Variants in SYNE1 observed in about 807,000 individuals in gnomAD.
The protein encoded by SYNE1 is spectrin repeat containing nuclear envelope protein 1.
Under a neutral mutation model 1,111.0 loss-of-function variants are expected in SYNE1, and 616 were observed. The observed-to-expected ratio is 0.55, with a 90% CI of 0.52 to 0.59. SYNE1 has a LOEUF of 0.59. SYNE1 is among the 20% of genes least tolerant of loss of function. SYNE1 has a pLI of 0.00. For missense variants in SYNE1, 10,006 were observed against 10,417.0 expected, an observed-to-expected ratio of 0.96 and a Z score of 1.72; for synonymous variants, 3,855 against 3,825.8, an observed-to-expected ratio of 1.01 and a Z score of -0.28.
chr6:152,537,358 A>T (rs1165672266), intron 4 of SYNE1, among the ~76,000 whole-genome samples: 1 of 152,148 alleles, frequency 6.6e-6, no homozygotes, highest in Non-Finnish European at 1.5e-5. Flanking sequence ...TGTAGTAAAA[A>T]TAGAATAAAA....
rs983431074 is a variant in SYNE1 at position 152,430,562 on chromosome 6, G to C, written c.4609C>G (p.Arg1537Gly). ...TQIRRYGEEL[R>G]EHAQCLEGTI... is the part of the protein sequence containing the mutation. ...CCTTCCAGACACTGTGCATGCTCTC[G>C]AAGCTCTTCCCCGTATCTTCTTATT... Residue 1537 changes from arginine (R) to glycine (G), a missense_variant, in exon 35 of 146, where the codon CGA (arginine) becomes GGA (glycine). This residue lies in a region of SYNE1 where 1,971 missense variants were observed against 2,084.1 expected (regional missense o/e 0.95). Transcript: ENST00000367255. The C allele has an allele frequency of 6.2e-7, 1 of 1,613,918 alleles. No individual in the cohort carries two copies. Among genetic ancestry groups the C allele is most frequent in the African/African-American group, 1.3e-5 (1 of 74,904 alleles).
intron 127 of SYNE1, among the ~76,000 whole-genome samples, chr6:152,196,496 G>A (rs1212911483): frequency 1.3e-5 from 2 of 151,974 alleles, no homozygotes; most frequent in Non-Finnish European, 2.9e-5. Context: ...GTCAGCCGGT[G>A]ATAGGTCTTA....
intron 8 of SYNE1, 44 bp downstream of exon 8, chr6:152,510,149 C>T: frequency 6.3e-7 from 1 of 1,593,240 alleles, no homozygotes; most frequent in Non-Finnish European, 8.6e-7. Context: ...ACATTCATAA[C>T]TCAATTTAAC....
intron 131 of SYNE1, among the ~76,000 whole-genome samples, chr6:152,163,555 T>G (rs1418491036): frequency 3.4e-5 from 5 of 145,526 alleles, no homozygotes; most frequent in African/African-American, 1.3e-4. Flanking sequence ...GAGGTGAAAA[T>G]TTCTTCTGTA....
Position 152,230,562 on chromosome 6 carries a change from T to G in SYNE1, c.21180A>C (p.Ala7060=), listed in dbSNP as rs776832677. 1.2e-6 allele frequency: 2 copies of G among 1,613,990 alleles called. No individual in the cohort carries two copies. The change falls in exon 115 of 146, where the codon GCA becomes GCC. Residue 7060 remains alanine (A), a synonymous_variant. Transcript: ENST00000367255. ...GACAAGTTACCTGACAGTCTTTCAG[T>G]GCATTTTGAACAGAAGCCTGATCTC... ...RIGDQASVQN[A]LKDCQDLEDL...
chr6:152,124,964 G>C (rs1419982349), intron 145 of SYNE1, among the ~76,000 whole-genome samples: 1 of 152,136 alleles, frequency 6.6e-6, no homozygotes, highest in African/African-American at 2.4e-5. Flanking sequence ...AGTCCTCTGC[G>C]GTGTGTACTT....
intron 27 of SYNE1, 115 bp downstream of exon 27, chr6:152,450,510 G>T: frequency 5.8e-6 from 6 of 1,030,942 alleles, no homozygotes; most frequent in Non-Finnish European, 9.1e-6. Flanking sequence ...AAGGATTTTT[G>T]TACGAGAACA....
intron 55 of SYNE1, among the ~76,000 whole-genome samples, chr6:152,385,408 A>G (rs2097510465): frequency 6.6e-6 from 1 of 152,192 alleles, no homozygotes; most frequent in East Asian, 1.9e-4. Flanking sequence ...TCAGCCCACC[A>G]AATTAGCCAT....
chr6:152,406,551 C>T (rs376302042), intron 45 of SYNE1, among the ~76,000 whole-genome samples: 2 of 151,668 alleles, frequency 1.3e-5, no homozygotes, highest in South Asian at 2.1e-4. Flanking sequence ...TAAGAGTTCT[C>T]TAATGCTCTT....
At chr6:152,398,548 A>G in intron 49 of SYNE1, 71 bp downstream of exon 49, 1 of 1,267,248 alleles carries the variant, frequency 7.9e-7, no homozygotes, top group Non-Finnish European at 1.2e-6. Flanking sequence ...GGGAAATGAG[A>G]TAACTTAGGT....
Position 152,321,898 on chromosome 6 carries a change from T to C in SYNE1, c.15918-12A>G, listed in dbSNP as rs606231134. 2.9e-5 allele frequency: 46 copies of C among 1,613,912 alleles called. No homozygotes were observed. The highest frequency in any genetic ancestry group is 3.9e-5 in the Non-Finnish European group (46 of 1,179,962). ...CTTTCTCCTGCATGCTTCAGAAACA[T>C]TACAGGGATAAAACAGAAGTGAAGT... On this transcript the variant is annotated splice_polypyrimidine_tract_variant and intron_variant, in intron 82 of 145. Transcript: ENST00000367255.
chr6:152,140,518 G>A (rs1297981513), intron 139 of SYNE1, among the ~76,000 whole-genome samples: 1 of 152,146 alleles, frequency 6.6e-6, no homozygotes, highest in African/African-American at 2.4e-5. Context: ...TTAGATATGT[G>A]AGAAACAGTG....
intron 3 of SYNE1, among the ~76,000 whole-genome samples, chr6:152,583,356 C>T (rs2099526769): frequency 6.6e-6 from 1 of 152,122 alleles, no homozygotes; most frequent in Admixed American, 6.6e-5. Context: ...GGAGGACAGG[C>T]TTTGCAGTGA....
intron 3 of SYNE1, chr6:152,545,919 C>T (rs1302413547): frequency 6.6e-6 from 1 of 152,092 alleles, no homozygotes; most frequent in Non-Finnish European, 1.5e-5. Context: ...GATTTTTCAT[C>T]ATTTTCATTG....
intron 69 of SYNE1, 97 bp downstream of exon 69, chr6:152,353,166 T>G: frequency 6.8e-7 from 1 of 1,478,634 alleles, no homozygotes; most frequent in African/African-American, 1.4e-5. Flanking sequence ...ATCATAATGG[T>G]TGGGATGATC....
In SYNE1 at chr6:152,221,464, T is replaced by C. The variant is rs2153465258; in HGVS notation, c.21618A>G (p.Thr7206=). ...QLLKECHPPV[T]ETLTNTLKEV... is the part of the protein sequence containing the mutation. ...CTTTCAGTGTATTGGTAAGAGTTTC[T>C]GTCACGGGTGGGTGACACTCTTTTA... Residue 7206 remains threonine, a synonymous_variant, in exon 118 of 146, where the codon ACA becomes ACG. Coordinates refer to ENST00000367255, the MANE Select transcript of SYNE1 (RefSeq NM_182961.4). 3 of 1,613,998 alleles carry C rather than the reference T, an allele frequency of 1.9e-6. No individual in the cohort carries two copies. The highest frequency in any genetic ancestry group is 2.5e-6 in the Non-Finnish European group (3 of 1,179,958).
At chr6:152,143,110 T>A (rs2058810731) in intron 138 of SYNE1, among the ~76,000 whole-genome samples, 1 of 152,234 alleles carries the variant, frequency 6.6e-6, no homozygotes, top group Non-Finnish European at 1.5e-5. Flanking sequence ...GTATATCCAA[T>A]GCCTTGCTAT....
chr6:152,334,240 A>G lies in SYNE1; in HGVS notation c.12562T>C (p.Ser4188Pro). 6.2e-7 allele frequency: 1 copy of G among 1,613,982 alleles called. No individual in the cohort carries two copies. Among genetic ancestry groups the G allele is most frequent in the Non-Finnish European group, 8.5e-7 (1 of 1,180,026 alleles). The change falls in exon 77 of 146, where the codon TCC (serine) becomes CCC (proline). Residue 4188 changes from serine (S) to proline (P), a missense_variant. Physicochemically the swap from Ser to Pro is moderately conservative, Grantham distance 74. Coordinates refer to ENST00000367255, the MANE Select transcript of SYNE1 (RefSeq NM_182961.4). ...ACCTTTTCTATTATGGTGTTCACGGATGCCTGTTTGCTCTGTAGTTTCTTA... is the reference window on the plus strand; with the variant it reads ...ACCTTTTCTATTATGGTGTTCACGGGTGCCTGTTTGCTCTGTAGTTTCTTA... ...FVKKLQSKQA[S>P]VNTIIEKVNK...
chr6:152,141,456 G>C (rs1037096163), intron 138 of SYNE1, 127 bp from the exon 139 acceptor site: 6 of 1,325,442 alleles, frequency 4.5e-6, no homozygotes, highest in Middle Eastern at 2.6e-4. Flanking sequence ...GTGCCACCCT[G>C]CTAAAAATAA....
Sources: gnomAD v4.1 joint callset for allele counts (sites outside exome capture counted in the v4.1 genomes callset) on GRCh38, gnomAD v4.1.1 for gene constraint, gnomAD v4.1.1 regional missense constraint, MANE v1.5 for transcripts, NCBI Gene and HGNC (gene_info 2026-07-23, HGNC 2026-07-21) for gene names.